The following COL21A1 variants were observed in gnomAD, a reference collection of about 807,000 sequenced individuals.
The protein encoded by COL21A1 is collagen type XXI alpha 1 chain, also known as collagen alpha-1(XXI) chain.
Under a neutral mutation model 137.9 loss-of-function variants are expected in COL21A1, and 149 were observed. That is an observed-to-expected ratio of 1.08 (90% CI 0.95 to 1.24). The LOEUF is 1.24. COL21A1 is among the 50% of genes most tolerant of loss of function. COL21A1 has a pLI of 0.00. For synonymous variants in COL21A1, 456 were observed against 391.5 expected (o/e 1.16, Z -1.95); for missense variants, 1,167 against 1,158.4 (o/e 1.01, Z -0.11).
chr6:56,283,729 A>G (rs1763836327), intron 1 of COL21A1, among the ~76,000 whole-genome samples: 1 of 152,082 alleles, frequency 6.6e-6, no homozygotes, highest in African/African-American at 2.4e-5. Flanking sequence ...ATGAGTAGCC[A>G]TTTGGAGGAG....
intron 16 of COL21A1, among the ~76,000 whole-genome samples, chr6:56,111,992 T>C (rs1381834667): frequency 6.6e-6 from 1 of 151,950 alleles, no homozygotes; most frequent in Non-Finnish European, 1.5e-5. Context: ...TCATTATGAT[T>C]TCTAAAAAAA....
chr6:56,304,726 A>G (rs931740337), intron 1 of COL21A1, among the ~76,000 whole-genome samples: 1 of 151,722 alleles, frequency 6.6e-6, no homozygotes, highest in African/African-American at 2.4e-5. Flanking sequence ...TTGTGTCTCT[A>G]TTTCCTTCAG....
At chr6:56,362,669 C>A (rs998968940) in intron 1 of COL21A1, among the ~76,000 whole-genome samples, 1 of 152,072 alleles carries the variant, frequency 6.6e-6, no homozygotes, top group African/African-American at 2.4e-5. Flanking sequence ...ACTTTCCACA[C>A]GGGCACAACC....
At chr6:56,184,525 T>A (rs2152284742) in intron 1 of COL21A1, among the ~76,000 whole-genome samples, 1 of 152,152 alleles carries the variant, frequency 6.6e-6, no homozygotes, top group Non-Finnish European at 1.5e-5. Context: ...ACAGAAAAAA[T>A]TAGTAGTGGA....
At chr6:56,111,815 A>G (rs1382271696) in intron 16 of COL21A1, among the ~76,000 whole-genome samples, 1 of 152,112 alleles carries the variant, frequency 6.6e-6, no homozygotes, top group Non-Finnish European at 1.5e-5. Context: ...CAGAGGTTGC[A>G]GTAAGCCAAG....
intron 1 of COL21A1, among the ~76,000 whole-genome samples, chr6:56,255,394 TG>T (rs1478045769): frequency 6.6e-6 from 1 of 151,280 alleles, no homozygotes; most frequent in East Asian, 1.9e-4. Flanking sequence ...GTATGGATTT[TG>T]CCCCAGTCTA....
At chr6:56,133,960 G>A (rs1198190215) in intron 12 of COL21A1, among the ~76,000 whole-genome samples, 2 of 152,250 alleles carry the variant, frequency 1.3e-5, no homozygotes, top group Non-Finnish European at 2.9e-5. Flanking sequence ...GGGTCCTGGT[G>A]GAAAACCTCT....
At chr6:56,267,345 C>G (rs1763414990) in intron 1 of COL21A1, among the ~76,000 whole-genome samples, 1 of 152,182 alleles carries the variant, frequency 6.6e-6, no homozygotes, top group South Asian at 2.1e-4. Context: ...GCATAATCCT[C>G]CATGCTTTCT....
At chr6:56,158,049 T>C (rs1476709303) in intron 9 of COL21A1, among the ~76,000 whole-genome samples, 6 of 152,058 alleles carry the variant, frequency 3.9e-5, no homozygotes, top group Non-Finnish European at 8.8e-5. Context: ...AAAAAAAACA[T>C]GAAAGCAACA....
chr6:56,228,006 C>A (rs1781319897), intron 1 of COL21A1, among the ~76,000 whole-genome samples: 1 of 151,822 alleles, frequency 6.6e-6, no homozygotes, highest in Admixed American at 6.6e-5. Context: ...CACTAAAGAA[C>A]AAGATGTGCT....
chr6:56,099,937 C>G (rs776387100), intron 17 of COL21A1, among the ~76,000 whole-genome samples: 5 of 152,278 alleles, frequency 3.3e-5, no homozygotes, highest in South Asian at 2.1e-4. Context: ...CTTCTCCTTT[C>G]CAATCATTCC....
upstream of COL21A1, among the ~76,000 whole-genome samples, chr6:56,250,810 T>C (rs1046609150): frequency 6.6e-6 from 1 of 152,256 alleles, no homozygotes; most frequent in Admixed American, 6.5e-5. Flanking sequence ...CTTGAGCTAT[T>C]CATTTTAGTA....
intron 1 of COL21A1, among the ~76,000 whole-genome samples, chr6:56,366,182 G>A (rs759215676): frequency 1.3e-5 from 2 of 152,170 alleles, no homozygotes; most frequent in Middle Eastern, 3.4e-3. Flanking sequence ...TGAAGCCACA[G>A]CAGGAGGGAA....
At chr6:56,354,387 T>C (rs974353562) in intron 1 of COL21A1, among the ~76,000 whole-genome samples, 3 of 152,078 alleles carry the variant, frequency 2.0e-5, no homozygotes, top group Admixed American at 2.0e-4. Context: ...ATCTTAAAAA[T>C]TAAAGGAGAA....
intron 18 of COL21A1, among the ~76,000 whole-genome samples, chr6:56,075,934 TGCG>T (rs1767194954): frequency 6.6e-6 from 1 of 151,500 alleles, no homozygotes; most frequent in African/African-American, 2.4e-5. Context: ...CTTCCAGGGA[TGCG>T]GCTGACTAGG....
At chr6:56,277,875 C>T (rs1402233873) in intron 1 of COL21A1, among the ~76,000 whole-genome samples, 3 of 152,158 alleles carry the variant, frequency 2.0e-5, no homozygotes, top group Non-Finnish European at 4.4e-5. Flanking sequence ...GACAAAGGAA[C>T]AGTATTTGTA....
intron 10 of COL21A1, among the ~76,000 whole-genome samples, chr6:56,143,440 T>C (rs1024416469): frequency 8.6e-5 from 13 of 152,012 alleles, no homozygotes; most frequent in African/African-American, 3.1e-4. Context: ...GACCTCATGA[T>C]CCACCCTCCT....
chr6:56,136,632 T>C (rs1008619397), intron 12 of COL21A1, among the ~76,000 whole-genome samples: 3 of 152,176 alleles, frequency 2.0e-5, no homozygotes, highest in African/African-American at 7.2e-5. Context: ...AAGATTATTT[T>C]TGGGGCTAGT....
At chr6:56,337,076 T>G (rs1265220346) in intron 1 of COL21A1, among the ~76,000 whole-genome samples, 1 of 152,208 alleles carries the variant, frequency 6.6e-6, no homozygotes, top group Non-Finnish European at 1.5e-5. Context: ...TTGTCTCATA[T>G]CTATTTCTTT....
Sources: allele counts gnomAD v4.1 joint callset (sites outside exome capture counted in the v4.1 genomes callset), GRCh38; gene constraint gnomAD v4.1.1; transcripts MANE v1.5; gene names NCBI Gene and HGNC (gene_info 2026-07-23, HGNC 2026-07-21).